ALDH3B2: variants seen among roughly 807,000 people sequenced by gnomAD.
The protein encoded by ALDH3B2 is aldehyde dehydrogenase family 3 member B2.
In ALDH3B2, 45 loss-of-function variants were observed where a neutral mutation model predicts 36.7. That is an observed-to-expected ratio of 1.23 (90% CI 0.97 to 1.57). The LOEUF is 1.57. ALDH3B2 is among the 40% of genes most tolerant of loss of function. The pLI is 0.00. For synonymous variants in ALDH3B2, 217 were observed against 226.5 expected, an observed-to-expected ratio of 0.96 and a Z score of 0.38; for missense variants, 464 against 513.3, an observed-to-expected ratio of 0.90 and a Z score of 0.93.
intron 6 of ALDH3B2, 87 bp downstream of exon 6, chr11:67,666,035 C>G: frequency 6.6e-7 from 1 of 1,515,236 alleles, no homozygotes. Context: ...CCACTGCTGG[C>G]CCCAGCCTCC....
At position 67,663,369 on chromosome 11, in the gene ALDH3B2, T is replaced by A. The variant is rs149979710; in HGVS notation, c.1004A>T (p.Lys335Met). The A allele has an allele frequency of 9.9e-6, 16 of 1,613,636 alleles. No homozygotes were observed. In the African/African-American group the frequency reaches 2.1e-4, roughly 22 times the overall value. The change falls in exon 10 of 10, where the codon AAG becomes ATG. Residue 335 changes from lysine (K) to methionine (M), a missense_variant. By Grantham distance (95) the Lys-to-Met change is moderately conservative. Coordinates refer to ENST00000349015, the Ensembl canonical transcript of ALDH3B2. ...GTGGGAGAAGGTGTCGAAGGTGAAC[T>A]TGCCGTGGTACCGGCCCATCCCACT...
Position 67,680,032 on chromosome 11 carries a change from G to C in ALDH3B2, c.-245+1144C>G, listed in dbSNP as rs191823146. On this transcript the variant is annotated intron_variant, in intron 1 of 9. Transcript: ENST00000530069. ...AATAAGCCTCTAAAGAACCAGATTA[G>C]AGGCCAGGCATGGTGTCTCATGCCT... Among the ~76,000 whole-genome samples, 32 of 151,920 alleles carry C rather than the reference G, an allele frequency of 2.1e-4. 2 individuals carry two copies. Among genetic ancestry groups the C allele is most frequent in the African/African-American group, 7.5e-4 (31 of 41,420 alleles).
chr11:67,664,158 G>A, intron 8 of ALDH3B2: 1 of 636,036 alleles, frequency 1.6e-6, no homozygotes, highest in Non-Finnish European at 2.7e-6. Context: ...CACAGTCCAA[G>A]TGCAGGCTGC....
intron 1 of ALDH3B2, among the ~76,000 whole-genome samples, chr11:67,671,832 C>T (rs1387636835): frequency 1.3e-5 from 2 of 150,722 alleles, no homozygotes; most frequent in Admixed American, 6.6e-5. Flanking sequence ...CATGAGCCAC[C>T]GTGCGGGCCC....
At chr11:67,677,094 T>C (rs1264836360), upstream of ALDH3B2, among the ~76,000 whole-genome samples, 2 of 152,172 alleles carry the variant, frequency 1.3e-5, no homozygotes, top group Non-Finnish European at 2.9e-5. Flanking sequence ...CCCTCCCTAA[T>C]TCATTCTATG....
At chr11:67,672,087 ATG>A (rs1491556532) in intron 1 of ALDH3B2, among the ~76,000 whole-genome samples, 6 of 83,962 alleles carry the variant, frequency 7.1e-5, no homozygotes, top group African/African-American at 2.9e-4. Flanking sequence ...ATATATATAT[ATG>A]TATGTATGTA....
intron 1 of ALDH3B2, among the ~76,000 whole-genome samples, chr11:67,672,883 G>A (rs954349575): frequency 4.7e-5 from 7 of 148,574 alleles, no homozygotes; most frequent in East Asian, 2.0e-4. Flanking sequence ...GAGTCACCAC[G>A]CCTGGCCACA....
At chr11:67,666,575 T>C in exon 4 of ALDH3B2, 1 of 1,613,896 alleles carries the variant, frequency 6.2e-7, no homozygotes, top group Non-Finnish European at 8.5e-7. Flanking sequence ...CCTCCTCACC[T>C]GCGGCGAGGG....
chr11:67,673,382 G>A (rs1290550144), intron 1 of ALDH3B2, among the ~76,000 whole-genome samples: 4 of 152,270 alleles, frequency 2.6e-5, no homozygotes, highest in Non-Finnish European at 2.9e-5. Context: ...CAATGACACC[G>A]GAAACAATAT....
At chr11:67,678,272 C>T, upstream of ALDH3B2, among the ~76,000 whole-genome samples, 1 of 152,130 alleles carries the variant, frequency 6.6e-6, no homozygotes, top group South Asian at 2.1e-4. Flanking sequence ...TAAAACTAGG[C>T]ACACAGACCA....
rs1157014325 is a variant in ALDH3B2 at position 67,663,762 on chromosome 11, C to G, written c.874-1G>C. Reference sequence around the variant, plus strand: ...TCCGCTCCAGCATCTGGTTCACAACCTGCCAGGGAGTGAGAAGGTGGGTGT... The same window carrying G: ...TCCGCTCCAGCATCTGGTTCACAACGTGCCAGGGAGTGAGAAGGTGGGTGT... On this transcript the variant is annotated splice_acceptor_variant, in intron 8 of 9. Transcript: ENST00000349015. LOFTEE classifies it high-confidence loss of function. 6.2e-7 allele frequency: 1 copy of G among 1,610,040 alleles called. No homozygotes were observed. Among genetic ancestry groups the G allele is most frequent in the South Asian group, 1.1e-5 (1 of 90,820 alleles).
chr11:67,673,127 T>C (rs905968034), intron 1 of ALDH3B2, among the ~76,000 whole-genome samples: 7 of 151,690 alleles, frequency 4.6e-5, no homozygotes, highest in Non-Finnish European at 5.9e-5. Context: ...AGACGGGGTT[T>C]CACCGTGCTA....
chr11:67,664,131 C>T (rs922983340), intron 8 of ALDH3B2: 25 of 593,082 alleles, frequency 4.2e-5, no homozygotes, highest in Non-Finnish European at 4.1e-5. Context: ...CCTCTGCTTG[C>T]CTGTGCAGAA....
chr11:67,666,713 A>G lies in ALDH3B2; in HGVS notation c.31-19T>C. 3.1e-6 allele frequency: 5 copies of G among 1,613,750 alleles called. No individual in the cohort carries two copies. The highest frequency in any genetic ancestry group is 4.2e-6 in the Non-Finnish European group (5 of 1,179,844). ...TCATGAACTGAGGCACAGGGTAGAC[A>G]GTGAGGCCCTGCCAAGGGCCACCCC... On this transcript the variant is annotated intron_variant, in intron 3 of 9. Coordinates refer to ENST00000349015, the Ensembl canonical transcript of ALDH3B2.
chr11:67,679,339 C>T (rs900261688), upstream of ALDH3B2, among the ~76,000 whole-genome samples: 6 of 151,948 alleles, frequency 3.9e-5, no homozygotes, highest in South Asian at 4.2e-4. Flanking sequence ...TGCATTGTGG[C>T]GTGCACCTGT....
exon 10 of ALDH3B2, chr11:67,663,104 C>T: frequency 7.5e-7 from 1 of 1,333,094 alleles, no homozygotes. Context: ...CTCCAGCAAC[C>T]TGAGGCTGGG....
intron 1 of ALDH3B2, among the ~76,000 whole-genome samples, chr11:67,668,686 CTGTG>C (rs912122023): frequency 1.4e-5 from 2 of 140,194 alleles, no homozygotes; most frequent in Admixed American, 1.4e-4. Context: ...CTGTGTGTGT[CTGTG>C]TATGTATGGG....
exon 10 of ALDH3B2, chr11:67,662,540 A>G (rs996538919): frequency 1.3e-5 from 2 of 152,926 alleles, no homozygotes; most frequent in Admixed American, 1.3e-4. Flanking sequence ...AGAGTTTGGC[A>G]TAAGTGACTC....
chr11:67,664,651 AG>A lies in ALDH3B2; in HGVS notation c.707-90del, dbSNP rs1029611298. On this transcript the variant is annotated intron_variant, in intron 7 of 9. Coordinates refer to ENST00000349015, the Ensembl canonical transcript of ALDH3B2. Reference sequence around the variant, plus strand: ...AGAGGTGGGGACAGGGGCATGGGCCAGGGCTCCAGGCCAGGATCCCAAGGTC... The same window carrying A: ...AGAGGTGGGGACAGGGGCATGGGCCAGGCTCCAGGCCAGGATCCCAAGGTC... 2.8e-5 allele frequency: 42 copies of A among 1,523,184 alleles called. No individual in the cohort carries two copies. In the African/African-American group the frequency reaches 5.2e-4, roughly 19 times the overall value. 94.4% of individuals were successfully genotyped at this position (1,523,184 alleles called of 1,614,324 possible).
Sources: allele counts gnomAD v4.1 joint callset (sites outside exome capture counted in the v4.1 genomes callset), GRCh38; gene constraint gnomAD v4.1.1; transcripts MANE v1.5; gene names NCBI Gene and HGNC (gene_info 2026-07-23, HGNC 2026-07-21).